Variants in HHIP observed in about 807,000 individuals in gnomAD.
HHIP encodes hedgehog-interacting protein.
In HHIP, 12 loss-of-function variants were observed where a neutral mutation model predicts 74.0. That is an observed-to-expected ratio of 0.16 (90% CI 0.10 to 0.26). HHIP has a LOEUF of 0.26. Among genes scored for constraint, HHIP ranks in the 10% least tolerant of loss-of-function variants. The pLI, the probability that HHIP is intolerant of heterozygous loss-of-function variation, is 1.00. For missense variants in HHIP, 788 were observed against 845.0 expected (o/e 0.93, Z 0.84); for synonymous variants, 309 against 311.6 (o/e 0.99, Z 0.09).
intron 6 of HHIP, among the ~76,000 whole-genome samples, chr4:144,707,645 G>GTAAAAAAAAAAAAAAAAAA: frequency 2.2e-3 from 1 of 464 alleles, no homozygotes; most frequent in South Asian, 0.045. Context: ...GAGAACAGAG[G>GTAAAAAAAAAAAAAAAAAA]CAAAAAAAAA....
rs1731220716 is a variant in HHIP, at chr4:144,739,905, T to C, written c.*1948T>C. On this transcript the variant is annotated 3_prime_UTR_variant, in exon 13 of 13. Coordinates refer to ENST00000296575, the MANE Select transcript of HHIP (RefSeq NM_022475.3). ...TGAACCATGCAGTAGCCTGCATCTG[T>C]AGGTTAATAGCAATCTTTTGTCTCC... 1 of 152,186 alleles carries C rather than the reference T, an allele frequency of 6.6e-6. No individual in the cohort carries two copies. Among genetic ancestry groups the C allele is most frequent in the Non-Finnish European group, 1.5e-5 (1 of 68,032 alleles). The allele number at this position is 152,186 out of a possible 1,614,324, so 9.4% of individuals were successfully genotyped here. A position where few individuals can be genotyped will look rare whatever the true frequency, so the allele number is the denominator to read the frequency against.
chr4:144,706,808 T>C, intron 5 of HHIP, 126 bp downstream of exon 5: 3 of 835,430 alleles, frequency 3.6e-6, no homozygotes, highest in Non-Finnish European at 3.7e-6. Flanking sequence ...AATCATTACC[T>C]CCATCTTGCT....
intron 4 of HHIP, among the ~76,000 whole-genome samples, chr4:144,700,216 A>G (rs948626229): frequency 3.3e-5 from 5 of 152,184 alleles, no homozygotes; most frequent in Non-Finnish European, 7.3e-5. Flanking sequence ...ACTGACAGCT[A>G]TGAGAAAGAG....
At chr4:144,683,078 A>G (rs556704320) in intron 4 of HHIP, among the ~76,000 whole-genome samples, 40 of 152,336 alleles carry the variant, frequency 2.6e-4, no homozygotes, top group African/African-American at 8.9e-4. Context: ...TTAAAGTAGT[A>G]ACTTCTAGAA....
intron 7 of HHIP, among the ~76,000 whole-genome samples, chr4:144,708,528 G>C (rs1047922080): frequency 2.0e-5 from 3 of 152,160 alleles, no homozygotes; most frequent in Admixed American, 2.0e-4. Flanking sequence ...ATTAGACAAC[G>C]AAAAGGACAA....
intron 4 of HHIP, among the ~76,000 whole-genome samples, chr4:144,700,131 G>T (rs1729936704): frequency 6.6e-6 from 1 of 152,122 alleles, no homozygotes; most frequent in African/African-American, 2.4e-5. Context: ...TTATCAAATG[G>T]TCTTCTCTCT....
At chr4:144,706,228 C>T (rs1730129739) in intron 4 of HHIP, among the ~76,000 whole-genome samples, 1 of 152,184 alleles carries the variant, frequency 6.6e-6, no homozygotes, top group Non-Finnish European at 1.5e-5. Flanking sequence ...GAATTCTTCA[C>T]AGCACTTAAA....
Position 144,658,809 on chromosome 4 carries a change from G to A in HHIP, c.492G>A (p.Ala164=), listed in dbSNP as rs146735069. Residue 164 remains alanine, a synonymous_variant, in exon 3 of 13, where the codon GCG becomes GCA. Transcript: ENST00000296575. Reference sequence around the variant, plus strand: ...TTAAAGGTTTCCTTCAAACAACTGCGGATGAGTTTTGCTTTTACTATGCAA... The same window carrying A: ...TTAAAGGTTTCCTTCAAACAACTGCAGATGAGTTTTGCTTTTACTATGCAA... ...GHIPGFLQTT[A]DEFCFYYARK... 1.1e-5 allele frequency: 17 copies of A among 1,611,766 alleles called. No homozygotes were observed. Among genetic ancestry groups the A allele is most frequent in the African/African-American group, 5.3e-5 (4 of 74,772 alleles).
intron 10 of HHIP, among the ~76,000 whole-genome samples, chr4:144,716,891 A>C (rs550349626): frequency 7.2e-6 from 1 of 139,354 alleles, no homozygotes; most frequent in African/African-American, 2.7e-5. Flanking sequence ...AAAAAAAAGT[A>C]AAAGAATGGT....
chr4:144,704,796 G>A (rs536585324), intron 4 of HHIP, among the ~76,000 whole-genome samples: 84 of 152,144 alleles, frequency 5.5e-4, no homozygotes, highest in Non-Finnish European at 1.1e-3. Flanking sequence ...TAGACAATCC[G>A]TCAAGGAGGT....
At chr4:144,665,300 C>A (rs779133859) in intron 4 of HHIP, among the ~76,000 whole-genome samples, 2 of 152,154 alleles carry the variant, frequency 1.3e-5, no homozygotes, top group Non-Finnish European at 2.9e-5. Context: ...AACTCCTGGA[C>A]TCAAGCAATG....
chr4:144,738,115 A>ATG lies in HHIP; in HGVS notation c.*160_*161dup. The ATG allele has an allele frequency of 7.6e-7, 1 of 1,315,942 alleles. No homozygotes were observed. The highest frequency in any genetic ancestry group is 1.5e-5 in the African/African-American group (1 of 67,210). The allele number at this position is 1,315,942 out of a possible 1,614,324, so 81.5% of individuals were successfully genotyped here. A position where few individuals can be genotyped will look rare whatever the true frequency, so the allele number is the denominator to read the frequency against. On this transcript the variant is annotated 3_prime_UTR_variant, in exon 13 of 13. Coordinates refer to ENST00000296575, the MANE Select transcript of HHIP (RefSeq NM_022475.3). ...AGAAATGTGCAGATCCTCTGTGTGT[A>ATG]TGTCAGCATGTTTGTTCACATATGC...
intron 1 of HHIP, chr4:144,650,867 T>C (rs1728401414): frequency 6.6e-6 from 1 of 152,148 alleles, no homozygotes; most frequent in African/African-American, 2.4e-5. Flanking sequence ...AATCAAGCTC[T>C]TCCTGGATAG....
chr4:144,722,130 T>C (rs1289009182), intron 11 of HHIP, among the ~76,000 whole-genome samples: 1 of 152,126 alleles, frequency 6.6e-6, no homozygotes, highest in Non-Finnish European at 1.5e-5. Flanking sequence ...GCCTGGGGGA[T>C]CCTTCAGCTA....
At chr4:144,672,975 G>A (rs867866475) in intron 4 of HHIP, among the ~76,000 whole-genome samples, 5 of 152,210 alleles carry the variant, frequency 3.3e-5, no homozygotes, top group Admixed American at 6.5e-5. Context: ...GGGACTGCAG[G>A]CATGAGCTAC....
At chr4:144,684,894 C>T (rs767958670) in intron 4 of HHIP, among the ~76,000 whole-genome samples, 40 of 152,176 alleles carry the variant, frequency 2.6e-4, no homozygotes, top group Non-Finnish European at 4.4e-4. Flanking sequence ...ACACATATTT[C>T]AAATCCTAAC....
chr4:144,659,942 T>TGGCCGGGCGCGG, intron 4 of HHIP, 104 bp downstream of exon 4: 2 of 852,358 alleles, frequency 2.3e-6, no homozygotes, highest in Non-Finnish European at 3.7e-6. Context: ...AGAAAGAATC[T>TGGCCGGGCGCGG]TGCAGGAGAA....
At position 144,743,011 on chromosome 4, in the gene HHIP, T is replaced by TA. The variant is rs1731306613; in HGVS notation, c.*5055dup. On this transcript the variant is annotated 3_prime_UTR_variant, in exon 13 of 13. Transcript: ENST00000296575. ...TTATATATATATAATATATATATAT[T>TA]ATATATATATAATATATATCTTATA... 5.2e-4 allele frequency: 1 copy of TA among 1,926 alleles called. No homozygotes were observed. Among genetic ancestry groups the TA allele is most frequent in the Non-Finnish European group, 1.7e-3 (1 of 580 alleles). 0.1% of individuals were successfully genotyped at this position (1,926 alleles called of 1,614,324 possible).
At position 144,659,682 on chromosome 4, in the gene HHIP, G is replaced by C. The variant is rs754302740; in HGVS notation, c.675G>C (p.Gly225=). 6.4e-7 allele frequency: 1 copy of C among 1,564,836 alleles called. No homozygotes were observed. The highest frequency in any genetic ancestry group is 1.4e-5 in the African/African-American group (1 of 72,408). Residue 225 remains glycine (G), a synonymous_variant, in exon 4 of 13, where the codon GGG becomes GGC. Coordinates refer to ENST00000296575, the MANE Select transcript of HHIP (RefSeq NM_022475.3). ...TCTGTATTCAGGAGGTTGTGAGTGG[G>C]CTGCGGCAGCCCGTTGGTGCCCTGC... ...NCFCIQEVVS[G]LRQPVGALHS... is the part of the protein sequence containing the mutation.
Sources: allele counts gnomAD v4.1 joint callset (sites outside exome capture counted in the v4.1 genomes callset), GRCh38; gene constraint gnomAD v4.1.1; transcripts MANE v1.5; gene names NCBI Gene and HGNC (gene_info 2026-07-23, HGNC 2026-07-21).